RBFOX1: variants seen among roughly 807,000 people sequenced by gnomAD.
RBFOX1 encodes the protein RNA binding protein fox-1 homolog 1.
Under a neutral mutation model 57.7 loss-of-function variants are expected in RBFOX1, and 8 were observed. That is an observed-to-expected ratio of 0.14 (90% CI 0.08 to 0.25). RBFOX1 has a LOEUF of 0.25. Among genes scored for constraint, RBFOX1 ranks in the 10% least tolerant of loss-of-function variants. The probability of loss-of-function intolerance (pLI) is 1.00; values close to 1 mark genes in which losing one functional copy is unlikely to be tolerated. For synonymous variants in RBFOX1, 326 were observed against 222.4 expected (o/e 1.47, Z -4.15); for missense variants, 611 against 548.5 (o/e 1.11, Z -1.14).
chr16:6,865,809 C>G (rs2059813440), intron 3 of RBFOX1, among the ~76,000 whole-genome samples: 1 of 152,070 alleles, frequency 6.6e-6, no homozygotes, highest in South Asian at 2.1e-4. Flanking sequence ...AACAGTTGCA[C>G]ACGGAGAATT....
chr16:6,409,105 C>G (rs1022464586), intron 2 of RBFOX1, among the ~76,000 whole-genome samples: 3 of 152,120 alleles, frequency 2.0e-5, no homozygotes, highest in Non-Finnish European at 4.4e-5. Context: ...ACTTCAAATA[C>G]TAATGTTTTA....
intron 3 of RBFOX1, among the ~76,000 whole-genome samples, chr16:6,980,598 G>A (rs1288564578): frequency 6.6e-6 from 1 of 152,188 alleles, no homozygotes; most frequent in Non-Finnish European, 1.5e-5. Context: ...TAAAATGGAG[G>A]TGGCAGGTTT....
Position 5,468,076 on chromosome 16 carries a change from C to G in RBFOX1, c.258+822C>G, listed in dbSNP as rs142560972. Among the ~76,000 whole-genome samples the G allele has an allele frequency of 2.6e-3, 401 of 152,288 alleles. 4 individuals carry two copies. Among genetic ancestry groups the G allele is most frequent in the African/African-American group, 9.3e-3 (385 of 41,544 alleles). ...GTGATTAGGGCATGCTCTGTGCCCT[C>G]TTGTTCCTCCTCCCACCCCTCTTAC... is the stretch of plus-strand genomic sequence containing the variant. On this transcript the variant is annotated intron_variant, in intron 2 of 2. Coordinates refer to the RBFOX1 transcript ENST00000585867.
At chr16:5,623,682 A>C (rs929684145) in intron 3 of RBFOX1, among the ~76,000 whole-genome samples, 3 of 149,322 alleles carry the variant, frequency 2.0e-5, no homozygotes, top group South Asian at 2.1e-4. Flanking sequence ...TCTTCTCCCT[A>C]CCTCCTTCCC....
chr16:7,611,773 G>A (rs543189125), intron 10 of RBFOX1, among the ~76,000 whole-genome samples: 45 of 152,202 alleles, frequency 3.0e-4, no homozygotes, highest in Non-Finnish European at 6.3e-4. Context: ...TCCAGAGGAA[G>A]CATTGAGAAC....
intron 3 of RBFOX1, among the ~76,000 whole-genome samples, chr16:6,872,820 T>C (rs2061171229): frequency 6.6e-6 from 1 of 152,160 alleles, no homozygotes; most frequent in South Asian, 2.1e-4. Context: ...ATGGTTAAAT[T>C]CTGTTTGGGT....
chr16:6,915,920 A>C (rs2073049922), intron 3 of RBFOX1, among the ~76,000 whole-genome samples: 1 of 152,178 alleles, frequency 6.6e-6, no homozygotes, highest in African/African-American at 2.4e-5. Flanking sequence ...CGTATTTGCA[A>C]AGTGGTCCCC....
At position 7,710,678 on chromosome 16, in the gene RBFOX1, G is replaced by T. The variant is rs1473556630; in HGVS notation, c.1127G>T (p.Gly376Val). The part of the protein sequence containing the change: ...AKTRSHADDV[G>V]LVLSSLQASI... ...ACTAGGAGCCATGCTGATGATGTGG[G>T]TCTCGTTCTTTCTTCATTGCAGGCT... The change falls in exon 16 of 16, where the codon GGT becomes GTT. Residue 376 changes from glycine (G) to valine (V), a missense_variant. Transcript: ENST00000550418. 1 of 1,613,412 alleles carries T rather than the reference G, an allele frequency of 6.2e-7. No individual in the cohort carries two copies. Among genetic ancestry groups the T allele is most frequent in the African/African-American group, 1.3e-5 (1 of 74,862 alleles).
chr16:6,919,683 A>T (rs2074024771), intron 3 of RBFOX1, among the ~76,000 whole-genome samples: 1 of 152,024 alleles, frequency 6.6e-6, no homozygotes, highest in African/African-American at 2.4e-5. Context: ...CAGATCCATA[A>T]GACATTGTCA....
At chr16:6,836,093 G>C (rs1052496762) in intron 3 of RBFOX1, among the ~76,000 whole-genome samples, 1 of 152,174 alleles carries the variant, frequency 6.6e-6, no homozygotes, top group Non-Finnish European at 1.5e-5. Flanking sequence ...GCCTGCTATA[G>C]AAATGGGAGA....
chr16:7,628,609 T>C (rs1448366174), intron 10 of RBFOX1, among the ~76,000 whole-genome samples: 1 of 152,092 alleles, frequency 6.6e-6, no homozygotes, highest in Admixed American at 6.6e-5. Context: ...ATCTCATACG[T>C]TGTGATAAAC....
At chr16:5,993,566 G>A (rs1478436722) in intron 4 of RBFOX1, among the ~76,000 whole-genome samples, 2 of 152,104 alleles carry the variant, frequency 1.3e-5, no homozygotes, top group African/African-American at 2.4e-5. Context: ...TCATTGAAAT[G>A]TTGGCCATTA....
At chr16:6,138,918 A>G (rs1369883582) in intron 1 of RBFOX1, among the ~76,000 whole-genome samples, 1 of 152,168 alleles carries the variant, frequency 6.6e-6, no homozygotes, top group African/African-American at 2.4e-5. Flanking sequence ...GCTATATTTT[A>G]TTGGTTAGAA....
At chr16:7,226,994 G>C (rs1366630724) in intron 4 of RBFOX1, among the ~76,000 whole-genome samples, 1 of 152,080 alleles carries the variant, frequency 6.6e-6, no homozygotes, top group Non-Finnish European at 1.5e-5. Context: ...CATCTCTCCA[G>C]GATAAAAAAT....
intron 4 of RBFOX1, among the ~76,000 whole-genome samples, chr16:7,219,056 T>G (rs1274078445): frequency 6.6e-6 from 1 of 152,154 alleles, no homozygotes; most frequent in Non-Finnish European, 1.5e-5. Flanking sequence ...CACGCCTTTG[T>G]AAATGAATGT....
intron 4 of RBFOX1, among the ~76,000 whole-genome samples, chr16:7,498,680 G>A (rs1452108279): frequency 6.6e-6 from 1 of 152,088 alleles, no homozygotes; most frequent in Non-Finnish European, 1.5e-5. Flanking sequence ...CAGTTGCCAT[G>A]TACAGTACGC....
At chr16:7,041,020 A>G (rs2153706357) in intron 3 of RBFOX1, among the ~76,000 whole-genome samples, 1 of 149,304 alleles carries the variant, frequency 6.7e-6, no homozygotes, top group East Asian at 2.0e-4. Flanking sequence ...GGTTCAAGCG[A>G]TTCTCCTGCC....
rs540214958 is a variant in RBFOX1, at chr16:6,688,260, A to G, written c.-16+33610A>G. On this transcript the variant is annotated intron_variant, in intron 3 of 15. Coordinates refer to ENST00000550418, the MANE Select transcript of RBFOX1 (RefSeq NM_018723.4). The stretch of plus-strand genomic sequence containing the variant: ...GAGAGATGGCAGGAGGTGCTACACA[A>G]TTGTAAACAACCACATCTCATGAGA... Among the ~76,000 whole-genome samples the G allele has an allele frequency of 2.0e-5, 3 of 152,182 alleles. No homozygotes were observed. The South Asian group carries it at 6.2e-4, about 32-fold the overall frequency.
At chr16:6,847,126 G>C (rs1034713831) in intron 3 of RBFOX1, among the ~76,000 whole-genome samples, 3 of 152,238 alleles carry the variant, frequency 2.0e-5, no homozygotes, top group East Asian at 3.9e-4. Context: ...GCTCAGAGAT[G>C]GTTCATCCAC....
Sources: gnomAD v4.1 joint callset for allele counts (sites outside exome capture counted in the v4.1 genomes callset) on GRCh38, gnomAD v4.1.1 for gene constraint, MANE v1.5 for transcripts, NCBI Gene and HGNC (gene_info 2026-07-23, HGNC 2026-07-21) for gene names.